CRAMP1: variants seen among roughly 807,000 people sequenced by gnomAD.
CRAMP1 encodes the protein cramped chromatin regulator 1, also known as protein cramped-like.
In CRAMP1, 50 loss-of-function variants were observed where a neutral mutation model predicts 115.4. The ratio of observed to expected loss-of-function variants is 0.43; its 90% CI spans 0.35 to 0.55. CRAMP1 has a LOEUF of 0.55. CRAMP1 is among the 20% of genes least tolerant of loss of function. The pLI, the probability that CRAMP1 is intolerant of heterozygous loss-of-function variation, is 0.01. For missense variants in CRAMP1, 1,679 were observed against 1,721.7 expected (o/e 0.98, Z 0.44); for synonymous variants, 866 against 745.4 (o/e 1.16, Z -2.64).
intron 5 of CRAMP1, among the ~76,000 whole-genome samples, chr16:1,638,149 T>C (rs2036603525): frequency 6.6e-6 from 1 of 152,176 alleles, no homozygotes; most frequent in South Asian, 2.1e-4. Context: ...ACACATGTGT[T>C]CACACACTCT....
chr16:1,649,752 G>T (rs2036707500), intron 6 of CRAMP1, among the ~76,000 whole-genome samples: 1 of 146,450 alleles, frequency 6.8e-6, no homozygotes, highest in South Asian at 2.2e-4. Context: ...GCCTCCCAAA[G>T]AGCTGAGCCT....
At chr16:1,663,201 C>T (rs1427581207) in intron 13 of CRAMP1, among the ~76,000 whole-genome samples, 2 of 152,182 alleles carry the variant, frequency 1.3e-5, no homozygotes, top group South Asian at 4.1e-4. Context: ...CTCATGAGCT[C>T]CCCAGGAGTC....
Position 1,626,229 on chromosome 16 carries a change from G to A in CRAMP1, c.540+63G>A, listed in dbSNP as rs77751631. Reference sequence around the variant, plus strand: ...CGTCCCTCTCGGATCCCTGCCCTCCGTTCCCCGTGCTTCCTCTTTGCTGTT... The same window carrying A: ...CGTCCCTCTCGGATCCCTGCCCTCCATTCCCCGTGCTTCCTCTTTGCTGTT... On this transcript the variant is annotated intron_variant, in intron 3 of 20. Transcript: ENST00000397412. 1,776 of 1,368,348 alleles carry A rather than the reference G, an allele frequency of 1.3e-3. 17 individuals are homozygous for A. In the African/African-American group the frequency reaches 0.023, roughly 18 times the overall value. The allele number at this position is 1,368,348 out of a possible 1,614,324, so 84.8% of individuals were successfully genotyped here. A position where few individuals can be genotyped will look rare whatever the true frequency, so the allele number is the denominator to read the frequency against.
Position 1,632,325 on chromosome 16 carries a change from C to A in CRAMP1, c.654C>A (p.Arg218=). The A allele has an allele frequency of 6.2e-7, 1 of 1,600,374 alleles. No homozygotes were observed. The highest frequency in any genetic ancestry group is 8.5e-7 in the Non-Finnish European group (1 of 1,173,898). Residue 218 remains arginine (R), a synonymous_variant, in exon 4 of 21, where the codon CGC becomes CGA. Coordinates refer to ENST00000397412, the MANE Select transcript of CRAMP1 (RefSeq NM_020825.4). ...NKEQVRHFYY[R]TWHKITKYID... ...AGCAGGTCCGCCACTTCTACTACCG[C>A]ACCTGGCACAAGATCACCAAGTACA...
In CRAMP1 at chr16:1,656,591, C is replaced by G. The variant is rs527950415; in HGVS notation, c.1834C>G (p.Pro612Ala). The G allele has an allele frequency of 6.4e-7, 1 of 1,566,538 alleles. No homozygotes were observed. Among genetic ancestry groups the G allele is most frequent in the Non-Finnish European group, 8.6e-7 (1 of 1,156,478 alleles). Residue 612 changes from proline (P) to alanine (A), a missense_variant, in exon 10 of 21, where the codon CCC becomes GCC. Pro to Ala is a conservative substitution (Grantham distance 27, BLOSUM62 -1). Around this residue, in one of 8 missense-constraint regions of CRAMP1, gnomAD observed 405 missense variants for 302.6 expected, o/e 1.34. Transcript: ENST00000397412. This position sits in a 1 kb window ranked among gnomAD's most constrained non-coding sequence, Gnocchi z 5.6. ...CAGCAAGGAGGCTGCTGACCTTGCT[C>G]CCACTGGCCCATCCCCGAGGCCCGG... ...PVSKEAADLA[P>A]TGPSPRPGPG...
intron 2 of CRAMP1, among the ~76,000 whole-genome samples, chr16:1,616,537 C>G (rs1350496423): frequency 6.6e-6 from 1 of 152,182 alleles, no homozygotes; most frequent in Admixed American, 6.5e-5. Context: ...AAGTGAAGTG[C>G]TGCTGAGACG....
At position 1,672,826 on chromosome 16, in the gene CRAMP1, C is replaced by G. The variant is rs2036933027; in HGVS notation, c.3646-1055C>G. Among the ~76,000 whole-genome samples the G allele has an allele frequency of 6.6e-6, 1 of 152,242 alleles. No individual in the cohort carries two copies. The highest frequency in any genetic ancestry group is 2.4e-5 in the African/African-American group (1 of 41,454). ...GGGACAAGATCCCGGTGCCGAGGCC[C>G]TCCCGTCCTCCGTCTCCTCAGCTCT... On this transcript the variant is annotated intron_variant, in intron 20 of 20. Coordinates refer to ENST00000397412, the MANE Select transcript of CRAMP1 (RefSeq NM_020825.4). This position sits in a 1 kb window ranked among gnomAD's most constrained non-coding sequence, Gnocchi z 4.9.
rs1397376245 is a variant in CRAMP1 at position 1,614,527 on chromosome 16, C to T, written c.-1-112C>T. 1.7e-6 allele frequency: 1 copy of T among 572,802 alleles called. No individual in the cohort carries two copies. Among genetic ancestry groups the T allele is most frequent in the Non-Finnish European group, 2.4e-6 (1 of 415,668 alleles). The allele number at this position is 572,802 out of a possible 1,614,324, so 35.5% of individuals were successfully genotyped here. A position where few individuals can be genotyped will look rare whatever the true frequency, so the allele number is the denominator to read the frequency against. ...GGCTCGGGCGGGCCGGGCCGAGCCG[C>T]CGAGAGGGGATTTGGAACAAACAAC... On this transcript the variant is annotated intron_variant, in intron 1 of 20. Coordinates refer to ENST00000397412, the MANE Select transcript of CRAMP1 (RefSeq NM_020825.4). This position sits in a 1 kb window ranked among gnomAD's most constrained non-coding sequence, Gnocchi z 4.4.
rs1485196857 is a variant in CRAMP1 at position 1,677,346 on chromosome 16, G to A, written c.*3301G>A. The A allele has an allele frequency of 1.3e-5, 2 of 152,296 alleles. No individual in the cohort carries two copies. Among genetic ancestry groups the A allele is most frequent in the Non-Finnish European group, 2.9e-5 (2 of 68,072 alleles). The allele number at this position is 152,296 out of a possible 1,614,324, so 9.4% of individuals were successfully genotyped here. A position where few individuals can be genotyped will look rare whatever the true frequency, so the allele number is the denominator to read the frequency against. On this transcript the variant is annotated 3_prime_UTR_variant, in exon 21 of 21. Transcript: ENST00000397412. Reference sequence around the variant, plus strand: ...AATCCCAGCTACTGAGGAGACTTGAGGTAGGAGAATCACTTGAACCTCAGC... The same window carrying A: ...AATCCCAGCTACTGAGGAGACTTGAAGTAGGAGAATCACTTGAACCTCAGC...
At chr16:1,654,107 C>G (rs1464246851) in intron 8 of CRAMP1, among the ~76,000 whole-genome samples, 2 of 150,004 alleles carry the variant, frequency 1.3e-5, no homozygotes, top group African/African-American at 4.9e-5. Flanking sequence ...TGCGCCCCTG[C>G]CCTCCAGCCT....
At chr16:1,638,247 T>C (rs1384365132) in intron 5 of CRAMP1, among the ~76,000 whole-genome samples, 1 of 152,222 alleles carries the variant, frequency 6.6e-6, no homozygotes, top group Non-Finnish European at 1.5e-5. Context: ...TATATAGCCT[T>C]GATACCATGG....
chr16:1,650,363 C>T (rs1024085158), intron 6 of CRAMP1, among the ~76,000 whole-genome samples: 5 of 152,216 alleles, frequency 3.3e-5, no homozygotes, highest in Admixed American at 6.5e-5. Context: ...GTCCCTCCCA[C>T]GCAGCACTCG....
intron 6 of CRAMP1, among the ~76,000 whole-genome samples, chr16:1,652,115 CA>C (rs1172995360): frequency 6.6e-6 from 1 of 152,158 alleles, no homozygotes; most frequent in Non-Finnish European, 1.5e-5. Context: ...TCTGAGGGCC[CA>C]AAGTGGGAGG....
At chr16:1,634,755 C>T (rs965320888) in intron 4 of CRAMP1, among the ~76,000 whole-genome samples, 8 of 152,330 alleles carry the variant, frequency 5.3e-5, no homozygotes, top group African/African-American at 1.9e-4. Context: ...ATTGGGGCAC[C>T]CGATGCTGAC....
chr16:1,668,962 C>G, intron 18 of CRAMP1, 39 bp from the exon 19 acceptor site: 1 of 1,605,984 alleles, frequency 6.2e-7, no homozygotes, highest in South Asian at 1.1e-5. Context: ...TTCACCACCC[C>G]GCAACAAGGC....
intron 4 of CRAMP1, among the ~76,000 whole-genome samples, chr16:1,633,335 C>T (rs1344402226): frequency 1.3e-5 from 2 of 152,248 alleles, no homozygotes; most frequent in African/African-American, 4.8e-5. Flanking sequence ...ACACCCCCTG[C>T]CCACCACGCA....
intron 3 of CRAMP1, among the ~76,000 whole-genome samples, chr16:1,630,372 A>G (rs538037887): frequency 6.6e-6 from 1 of 152,152 alleles, no homozygotes; most frequent in South Asian, 2.1e-4. Flanking sequence ...AACTGGTCTC[A>G]AACTCCTGGG....
Position 1,614,851 on chromosome 16 carries a change from C to T in CRAMP1, c.212C>T (p.Pro71Leu). 1 of 1,293,466 alleles carries T rather than the reference C, an allele frequency of 7.7e-7. No individual in the cohort carries two copies. Among genetic ancestry groups the T allele is most frequent in the Non-Finnish European group, 9.8e-7 (1 of 1,023,848 alleles). The allele number at this position is 1,293,466 out of a possible 1,614,324, so 80.1% of individuals were successfully genotyped here. ...CCCGGCGCGCCGCAGGCGCCGTCCC[C>T]GCCGCAGGGCAGCCCCCAGGACCAG... Reference protein sequence around the residue: ...APPGAPQAPSPPQGSPQDQHH... With the variant: ...APPGAPQAPSLPQGSPQDQHH... The change falls in exon 2 of 21, where the codon CCG (proline) becomes CTG (leucine). Residue 71 changes from proline (P) to leucine (L), a missense_variant. Physicochemically the swap from Pro to Leu is moderately conservative, Grantham distance 98. This residue lies in a region of CRAMP1 where 264 missense variants were observed against 229.7 expected (regional missense o/e 1.15). Coordinates refer to ENST00000397412, the MANE Select transcript of CRAMP1 (RefSeq NM_020825.4). The surrounding 1 kb of genome is among the most constrained non-coding windows in gnomAD (Gnocchi z 4.4).
At chr16:1,616,845 C>T (rs1239014387) in intron 2 of CRAMP1, among the ~76,000 whole-genome samples, 9 of 150,302 alleles carry the variant, frequency 6.0e-5, no homozygotes, top group Admixed American at 1.3e-4. Context: ...GACTGAGTCT[C>T]ACTCTGTCAC....
Sources: allele counts gnomAD v4.1 joint callset (sites outside exome capture counted in the v4.1 genomes callset), GRCh38; gene constraint gnomAD v4.1.1; regional missense constraint gnomAD v4.1.1; non-coding constraint Gnocchi (gnomAD v3.1); transcripts MANE v1.5; gene names NCBI Gene and HGNC (gene_info 2026-07-23, HGNC 2026-07-21).